Variants in CRY1 observed in about 807,000 individuals in gnomAD.
CRY1 encodes cryptochrome-1.
A neutral mutation model predicts 76.0 loss-of-function variants in CRY1; 45 were observed. The observed-to-expected ratio is 0.59, with a 90% CI of 0.47 to 0.76. CRY1 has a LOEUF of 0.76. Ranked by LOEUF, CRY1 falls within the 30% of genes least tolerant of loss-of-function variation. The pLI is 0.00. For synonymous variants in CRY1, 248 were observed against 244.0 expected, an observed-to-expected ratio of 1.02 and a Z score of -0.15; for missense variants, 587 against 716.4, an observed-to-expected ratio of 0.82 and a Z score of 2.06.
intron 2 of CRY1, among the ~76,000 whole-genome samples, chr12:107,011,790 A>G (rs1952446104): frequency 6.6e-6 from 1 of 152,264 alleles, no homozygotes. Flanking sequence ...GATCTATCTA[A>G]GATAATGAAT....
At chr12:107,067,334 A>C (rs979590125) in intron 1 of CRY1, among the ~76,000 whole-genome samples, 1 of 152,208 alleles carries the variant, frequency 6.6e-6, no homozygotes, top group Admixed American at 6.5e-5. Context: ...CTATATTGAC[A>C]AAAGGTACAA....
intron 1 of CRY1, among the ~76,000 whole-genome samples, chr12:107,057,456 T>C (rs534157502): frequency 2.6e-5 from 4 of 152,332 alleles, no homozygotes; most frequent in Admixed American, 2.6e-4. Flanking sequence ...AGTGAGGGAA[T>C]AGAAGAATGC....
chr12:107,039,500 T>C (rs1035228503), intron 1 of CRY1, among the ~76,000 whole-genome samples: 1 of 152,164 alleles, frequency 6.6e-6, no homozygotes, highest in African/African-American at 2.4e-5. Context: ...CGTTAAAAAA[T>C]GGGCTATGCA....
Position 106,999,949 on chromosome 12 carries a change from TAGAGA to T in CRY1, c.813_817del (p.Asp271GlufsTer22). On this transcript the variant is annotated frameshift_variant, in exon 6 of 13. Transcript: ENST00000008527. LOFTEE classifies it high-confidence loss of function. ...TCTAATTTTAGAGAATACCTTTTTGTAGAGATCTGTTAGTTTGAAGTAAAACAGTC... is the reference window on the plus strand; with the variant it reads ...TCTAATTTTAGAGAATACCTTTTTGTTCTGTTAGTTTGAAGTAAAACAGTC... 1 of 1,605,308 alleles carries T rather than the reference TAGAGA, an allele frequency of 6.2e-7. No homozygotes were observed. Among genetic ancestry groups the T allele is most frequent in the Non-Finnish European group, 8.5e-7 (1 of 1,177,978 alleles).
intron 1 of CRY1, among the ~76,000 whole-genome samples, chr12:107,062,096 T>C (rs1593532309): frequency 6.6e-6 from 1 of 150,414 alleles, no homozygotes; most frequent in East Asian, 1.9e-4. Flanking sequence ...ATCCTCAACA[T>C]TCAACATTAA....
chr12:107,073,229 TTCTC>T (rs199764438), intron 1 of CRY1, among the ~76,000 whole-genome samples: 26 of 151,406 alleles, frequency 1.7e-4, no homozygotes, highest in South Asian at 1.7e-3. Context: ...ATTTTTTTAT[TTCTC>T]TCTCTCTCTC....
chr12:107,088,113 A>G (rs1300087341), intron 1 of CRY1, among the ~76,000 whole-genome samples: 2 of 152,184 alleles, frequency 1.3e-5, no homozygotes, highest in Admixed American at 1.3e-4. Context: ...TATAGTTTAG[A>G]TATTTGTCCT....
At chr12:107,010,754 AT>A (rs1402776570) in intron 2 of CRY1, among the ~76,000 whole-genome samples, 1 of 151,868 alleles carries the variant, frequency 6.6e-6, no homozygotes, top group Non-Finnish European at 1.5e-5. Flanking sequence ...TTTATCAGAG[AT>A]CTCTGATGCT....
chr12:107,052,963 G>A (rs1470947262), intron 1 of CRY1, among the ~76,000 whole-genome samples: 1 of 152,170 alleles, frequency 6.6e-6, no homozygotes, highest in Non-Finnish European at 1.5e-5. Flanking sequence ...GAGCTGAAGA[G>A]GAAGAAGGAG....
chr12:107,055,114 T>A (rs1316981272), intron 1 of CRY1, among the ~76,000 whole-genome samples: 1 of 152,076 alleles, frequency 6.6e-6, no homozygotes, highest in Non-Finnish European at 1.5e-5. Flanking sequence ...GGAACATTTT[T>A]AAAAATTCAG....
chr12:106,992,658 T>C (rs1461657644), intron 12 of CRY1, 129 bp downstream of exon 12: 37 of 826,756 alleles, frequency 4.5e-5, no homozygotes, highest in East Asian at 1.1e-4. Flanking sequence ...TTTGTAAAAA[T>C]TGCTTAAAAA....
At chr12:106,993,478 GAC>G (rs1952200678) in intron 10 of CRY1, among the ~76,000 whole-genome samples, 1 of 151,474 alleles carries the variant, frequency 6.6e-6, no homozygotes, top group African/African-American at 2.4e-5. Flanking sequence ...ACAAGCAGAA[GAC>G]ACAGACTATG....
At position 106,997,522 on chromosome 12, in the gene CRY1, C is replaced by G. The variant is rs746706511; in HGVS notation, c.1458G>C (p.Gln486His). 6.2e-6 allele frequency: 10 copies of G among 1,613,946 alleles called. No homozygotes were observed. The Middle Eastern group carries it at 4.9e-4, about 80-fold the overall frequency. Reference sequence around the variant, plus strand: ...TATATCGTGAAAGCTGCTGATAGATCTGTTTCATCCTTTCGATATTCAAAC... The same window carrying G: ...TATATCGTGAAAGCTGCTGATAGATGTGTTTCATCCTTTCGATATTCAAAC... The part of the protein sequence containing the change: ...ASRLNIERMK[Q>H]IYQQLSRYRG... Residue 486 changes from glutamine (Q) to histidine (H), a missense_variant, in exon 9 of 13, where the codon CAG (glutamine) becomes CAC (histidine). Transcript: ENST00000008527.
intron 2 of CRY1, among the ~76,000 whole-genome samples, chr12:107,013,866 T>C (rs1477028648): frequency 2.0e-5 from 3 of 152,246 alleles, no homozygotes; most frequent in Non-Finnish European, 4.4e-5. Context: ...TTAGATATAC[T>C]GTGTTGAATA....
chr12:107,033,840 AC>A (rs1952704742), intron 1 of CRY1, among the ~76,000 whole-genome samples: 1 of 148,774 alleles, frequency 6.7e-6, no homozygotes. Flanking sequence ...GCCTACTCCC[AC>A]CGCTTCTCTA....
chr12:107,000,303 AT>A (rs1181514466), intron 5 of CRY1, among the ~76,000 whole-genome samples: 1 of 126,716 alleles, frequency 7.9e-6, no homozygotes, highest in East Asian at 1.9e-4. Flanking sequence ...TGTGAAATAA[AT>A]TTCCTTCAAA....
In CRY1 at chr12:107,002,257, G is replaced by A. The variant is rs184904219; in HGVS notation, c.411-309C>T. Among the ~76,000 whole-genome samples, 1,349 of 152,200 alleles carry A rather than the reference G, an allele frequency of 8.9e-3. 11 individuals are homozygous for A. Among genetic ancestry groups the A allele is most frequent in the South Asian group, 0.028 (135 of 4,820 alleles). On this transcript the variant is annotated intron_variant, in intron 3 of 12. Transcript: ENST00000008527. ...AAAAAACAAGTAAGAGGGGAAATTA[G>A]TCTAAAGGCAATTACAAAAAGTTAA...
chr12:107,008,554 T>G lies in CRY1; in HGVS notation c.268-3306A>C, dbSNP rs933019819. Among the ~76,000 whole-genome samples, 3 of 152,336 alleles carry G rather than the reference T, an allele frequency of 2.0e-5. No individual in the cohort carries two copies. The South Asian group carries it at 6.2e-4, about 32-fold the overall frequency. On this transcript the variant is annotated intron_variant, in intron 2 of 12. Transcript: ENST00000008527. ...CTGCACTGGCTAGACTTCAAGTAAT[T>G]TGTAAAAGCAAATATCCTTGTTTTT... is the stretch of plus-strand genomic sequence containing the variant.
intron 4 of CRY1, 37 bp downstream of exon 4, chr12:107,001,727 A>T (rs1952313985): frequency 1.4e-6 from 2 of 1,461,316 alleles, no homozygotes; most frequent in African/African-American, 2.9e-5. Context: ...TGATTTATTA[A>T]CTTGCAAGCC....
Sources: gnomAD v4.1 joint callset for allele counts (sites outside exome capture counted in the v4.1 genomes callset) on GRCh38, gnomAD v4.1.1 for gene constraint, MANE v1.5 for transcripts, NCBI Gene and HGNC (gene_info 2026-07-23, HGNC 2026-07-21) for gene names.